Variants in MARK1 observed in about 807,000 individuals in gnomAD.
The protein encoded by MARK1 is microtubule affinity regulating kinase 1, also known as serine/threonine-protein kinase MARK1.
Under a neutral mutation model 96.3 loss-of-function variants are expected in MARK1, and 40 were observed. The ratio of observed to expected loss-of-function variants is 0.42; its 90% CI spans 0.32 to 0.54. The LOEUF is 0.54. Among genes scored for constraint, MARK1 ranks in the 20% least tolerant of loss-of-function variants. The pLI is 0.16. For missense variants in MARK1, 719 were observed against 984.6 expected (o/e 0.73, Z 3.61); for synonymous variants, 317 against 341.2 (o/e 0.93, Z 0.78).
chr1:220,612,814 T>C (rs1044592396), intron 6 of MARK1, among the ~76,000 whole-genome samples: 1 of 152,154 alleles, frequency 6.6e-6, no homozygotes, highest in African/African-American at 2.4e-5. Context: ...TGTATATACA[T>C]CCTTGACCTT....
chr1:220,618,333 T>C lies in MARK1; in HGVS notation c.576T>C (p.Gly192=), dbSNP rs1666870832. The C allele has an allele frequency of 1.9e-6, 3 of 1,610,680 alleles. No homozygotes were observed. The highest frequency in any genetic ancestry group is 2.2e-5 in the East Asian group (1 of 44,838). ...AGGCTGAAAACCTTCTCCTTGATGG[T>C]GATATGAATATTAAAATTGCTGACT... is the stretch of plus-strand genomic sequence containing the variant. ...DLKAENLLLD[G]DMNIKIADFG... is the part of the protein sequence containing the mutation. The change falls in exon 8 of 18, where the codon GGT becomes GGC. Residue 192 remains glycine (G), a synonymous_variant. Coordinates refer to ENST00000366917, the MANE Select transcript of MARK1 (RefSeq NM_018650.5). This position sits in a 1 kb window ranked among gnomAD's most constrained non-coding sequence, Gnocchi z 4.6.
intron 1 of MARK1, among the ~76,000 whole-genome samples, chr1:220,577,515 G>C (rs1572111773): frequency 6.6e-6 from 1 of 152,190 alleles, no homozygotes; most frequent in East Asian, 1.9e-4. Context: ...ATGTTGGCAT[G>C]CATCAGAATC....
chr1:220,612,691 A>G (rs1007330732), intron 6 of MARK1, among the ~76,000 whole-genome samples: 18 of 152,124 alleles, frequency 1.2e-4, no homozygotes, highest in African/African-American at 4.1e-4. Context: ...ACTTTTATTT[A>G]TGGATTTGAT....
At chr1:220,573,539 G>A (rs1663618552) in intron 1 of MARK1, among the ~76,000 whole-genome samples, 1 of 151,966 alleles carries the variant, frequency 6.6e-6, no homozygotes, top group African/African-American at 2.4e-5. Context: ...TAGCCAGGAT[G>A]GTCTCGATCT....
intron 16 of MARK1, among the ~76,000 whole-genome samples, chr1:220,657,519 C>T (rs938564568): frequency 2.6e-5 from 4 of 152,082 alleles, no homozygotes; most frequent in Admixed American, 2.0e-4. Context: ...TCAAATGAAT[C>T]ATGGCTGGGA....
In MARK1 at chr1:220,528,745, C is replaced by G; in HGVS notation, c.-78C>G. 7.2e-7 allele frequency: 1 copy of G among 1,392,984 alleles called. No individual in the cohort carries two copies. The highest frequency in any genetic ancestry group is 1.5e-5 in the African/African-American group (1 of 67,682). The allele number at this position is 1,392,984 out of a possible 1,614,324, so 86.3% of individuals were successfully genotyped here. A position where few individuals can be genotyped will look rare whatever the true frequency, so the allele number is the denominator to read the frequency against. On this transcript the variant is annotated 5_prime_UTR_variant, in exon 1 of 18. Transcript: ENST00000366917. ...CCCGGCCTTGTGCTCGCGTCCGCAC[C>G]CCTTTCCTGTCGCCCCCCGGGGCCC...
At chr1:220,589,802 G>A (rs1664864139) in intron 3 of MARK1, among the ~76,000 whole-genome samples, 1 of 152,114 alleles carries the variant, frequency 6.6e-6, no homozygotes, top group Non-Finnish European at 1.5e-5. Flanking sequence ...GAAAGAAAAA[G>A]AACTGAAAAT....
chr1:220,605,366 T>C (rs1236996515), intron 6 of MARK1, among the ~76,000 whole-genome samples: 2 of 152,176 alleles, frequency 1.3e-5, no homozygotes, highest in East Asian at 1.9e-4. Flanking sequence ...GGAAAACAAC[T>C]TTAAGAAACT....
chr1:220,652,229 A>G (rs1668922658), intron 15 of MARK1, 79 bp downstream of exon 15: 1 of 1,176,440 alleles, frequency 8.5e-7, no homozygotes, highest in South Asian at 1.8e-5. Context: ...CATGATAGTC[A>G]CCATCACATT....
chr1:220,592,211 G>GATTATATCAT (rs1250467047), intron 3 of MARK1, among the ~76,000 whole-genome samples: 4 of 130,790 alleles, frequency 3.1e-5, no homozygotes, highest in African/African-American at 1.2e-4. Flanking sequence ...TCACTGTCAT[G>GATTATATCAT]ATTATATCAT....
intron 3 of MARK1, among the ~76,000 whole-genome samples, chr1:220,589,759 G>T (rs922405138): frequency 1.3e-5 from 2 of 152,178 alleles, no homozygotes; most frequent in African/African-American, 4.8e-5. Context: ...ACATTTGCTA[G>T]CAACATTGTG....
chr1:220,627,997 CCGTTTTCA>C (rs1202164206), intron 9 of MARK1: 1 of 152,090 alleles, frequency 6.6e-6, no homozygotes, highest in Non-Finnish European at 1.5e-5. Flanking sequence ...TTTTGAGATA[CCGTTTTCA>C]TTTTTGAGAC....
rs1572065075 is a variant in MARK1 at position 220,551,781 on chromosome 1, C to T, written c.51+22908C>T. Among the ~76,000 whole-genome samples the T allele has an allele frequency of 2.0e-5, 3 of 152,270 alleles. No homozygotes were observed. The East Asian group carries it at 5.8e-4, about 29-fold the overall frequency. The stretch of plus-strand genomic sequence containing the variant: ...AAAAATATTTATAAGTATTACAGGG[C>T]TTGTTTCTGTAACTGGTCATGTGGT... On this transcript the variant is annotated intron_variant, in intron 1 of 17. Transcript: ENST00000366917.
intron 3 of MARK1, among the ~76,000 whole-genome samples, chr1:220,596,928 A>C (rs1049262805): frequency 6.6e-6 from 1 of 151,664 alleles, no homozygotes; most frequent in Non-Finnish European, 1.5e-5. Flanking sequence ...GAATTTGACG[A>C]CTCCACTCTA....
Position 220,601,227 on chromosome 1 carries a change from T to A in MARK1, c.424+1364T>A, listed in dbSNP as rs551636569. 4.6e-5 allele frequency among the ~76,000 whole-genome samples: 7 copies of A among 151,946 alleles called. No individual in the cohort carries two copies. In the East Asian group the frequency reaches 1.4e-3, roughly 29 times the overall value. ...GCCACCGCGCCTGGCCTCATATTTC[T>A]AAAAAACTACTATAGATGTTAATAT... On this transcript the variant is annotated intron_variant, in intron 5 of 17. Transcript: ENST00000366917.
chr1:220,597,588 G>C (rs942369605), intron 3 of MARK1, among the ~76,000 whole-genome samples: 1 of 152,072 alleles, frequency 6.6e-6, no homozygotes, highest in African/African-American at 2.4e-5. Context: ...CTGATAAAAT[G>C]CATATGTCTT....
rs1660561507 is a variant in MARK1 at position 220,534,696 on chromosome 1, CCCTGGCAA to C, written c.51+5826_51+5833del. 2.0e-5 allele frequency among the ~76,000 whole-genome samples: 3 copies of C among 152,108 alleles called. No homozygotes were observed. The South Asian group carries it at 6.2e-4, about 31-fold the overall frequency. On this transcript the variant is annotated intron_variant, in intron 1 of 17. Coordinates refer to ENST00000366917, the MANE Select transcript of MARK1 (RefSeq NM_018650.5). ...CTCCCTATTTCCCTTTCTTTCCAGA[CCCTGGCAA>C]CCACCATTCTTATTTTCTGCTTTGA...
intron 1 of MARK1, among the ~76,000 whole-genome samples, chr1:220,546,990 A>AAG (rs1661544234): frequency 1.3e-5 from 2 of 152,054 alleles, no homozygotes; most frequent in Non-Finnish European, 1.5e-5. Context: ...AAAAAAAAGA[A>AAG]AAAAGAAAAG....
chr1:220,575,018 A>T (rs1279823876), intron 1 of MARK1, among the ~76,000 whole-genome samples: 3 of 152,220 alleles, frequency 2.0e-5, no homozygotes, highest in African/African-American at 4.8e-5. Context: ...TGCAATTTTT[A>T]AAAAATATTT....
Sources: allele counts gnomAD v4.1 joint callset (sites outside exome capture counted in the v4.1 genomes callset), GRCh38; gene constraint gnomAD v4.1.1; non-coding constraint Gnocchi (gnomAD v3.1); transcripts MANE v1.5; gene names NCBI Gene and HGNC (gene_info 2026-07-23, HGNC 2026-07-21).